Variants in PARD3B observed in about 807,000 individuals in gnomAD.
PARD3B encodes the protein partitioning defective 3 homolog B.
PARD3B carries 103 observed loss-of-function variants against 130.2 expected under a neutral mutation model. The ratio of observed to expected loss-of-function variants is 0.79; its 90% CI spans 0.67 to 0.93. The LOEUF (loss-of-function observed/expected upper bound fraction) is 0.93, where lower values mean the gene tolerates loss of function less well. Ranked by LOEUF, PARD3B falls within the 40% of genes least tolerant of loss-of-function variation. PARD3B has a pLI of 0.00. For synonymous variants in PARD3B, 583 were observed against 553.2 expected, an observed-to-expected ratio of 1.05 and a Z score of -0.76; for missense variants, 1,609 against 1,499.2, an observed-to-expected ratio of 1.07 and a Z score of -1.21.
intron 2 of PARD3B, among the ~76,000 whole-genome samples, chr2:204,755,076 A>T (rs1208987185): frequency 2.0e-5 from 3 of 152,136 alleles, no homozygotes; most frequent in South Asian, 4.1e-4. Flanking sequence ...CAAAAAATGG[A>T]CTGATTTCTC....
chr2:205,135,883 C>G (rs12466813), intron 10 of PARD3B, among the ~76,000 whole-genome samples: 1 of 151,888 alleles, frequency 6.6e-6, no homozygotes, highest in East Asian at 1.9e-4. Flanking sequence ...TCAATTCTTG[C>G]TGCTGCCTAA....
At chr2:205,180,201 G>T (rs1411830356) in intron 13 of PARD3B, among the ~76,000 whole-genome samples, 2 of 149,946 alleles carry the variant, frequency 1.3e-5, no homozygotes, top group African/African-American at 2.5e-5. Context: ...TACCATACTA[G>T]ATTATAAAAT....
At chr2:204,962,410 C>T (rs1690823206) in intron 2 of PARD3B, among the ~76,000 whole-genome samples, 1 of 152,024 alleles carries the variant, frequency 6.6e-6, no homozygotes, top group South Asian at 2.1e-4. Context: ...GAAACCTTAA[C>T]ACAAAAGCTT....
At chr2:204,999,033 T>C (rs1694603726) in intron 3 of PARD3B, among the ~76,000 whole-genome samples, 1 of 152,054 alleles carries the variant, frequency 6.6e-6, no homozygotes, top group African/African-American at 2.4e-5. Flanking sequence ...ACTTCTAGAG[T>C]AATCTCAAAC....
In PARD3B at chr2:204,892,769, AAG is replaced by A. The variant is rs1482858170; in HGVS notation, c.223-72380_223-72379del. 6.6e-5 allele frequency among the ~76,000 whole-genome samples: 10 copies of A among 152,300 alleles called. No homozygotes were observed. In the South Asian group the frequency reaches 1.5e-3, roughly 22 times the overall value. On this transcript the variant is annotated intron_variant, in intron 2 of 22. Coordinates refer to ENST00000406610, the MANE Select transcript of PARD3B (RefSeq NM_001302769.2). Reference sequence around the variant, plus strand: ...GATGTGGGGAAACAAAAGGAAGTCTAAGAGTCTTTTCTGTGCAACTACAAGAA... The same window carrying A: ...GATGTGGGGAAACAAAAGGAAGTCTAAGTCTTTTCTGTGCAACTACAAGAA...
intron 2 of PARD3B, among the ~76,000 whole-genome samples, chr2:204,888,147 T>C (rs1307878175): frequency 6.6e-6 from 1 of 151,892 alleles, no homozygotes; most frequent in Non-Finnish European, 1.5e-5. Context: ...AGGGTAGAGG[T>C]ATTGAAAAAC....
chr2:205,191,083 A>AC (rs1295527683), intron 14 of PARD3B, among the ~76,000 whole-genome samples: 1 of 151,818 alleles, frequency 6.6e-6, no homozygotes, highest in African/African-American at 2.4e-5. Flanking sequence ...TAGAAAAAAA[A>AC]AAAAAAAAGG....
intron 1 of PARD3B, among the ~76,000 whole-genome samples, chr2:204,679,696 TTTTC>T (rs957133566): frequency 9.2e-5 from 14 of 152,036 alleles, no homozygotes; most frequent in African/African-American, 3.1e-4. Context: ...CTTTAACTGG[TTTTC>T]TTTGTTTAGT....
chr2:205,393,950 T>C (rs547261069), intron 18 of PARD3B, among the ~76,000 whole-genome samples: 68 of 152,162 alleles, frequency 4.5e-4, no homozygotes, highest in Admixed American at 1.1e-3. Context: ...GCTGAGAAAC[T>C]AGGAGAAAAC....
chr2:205,299,208 G>T (rs2041900408), intron 16 of PARD3B, among the ~76,000 whole-genome samples: 5 of 152,008 alleles, frequency 3.3e-5, no homozygotes, highest in Admixed American at 3.3e-4. Context: ...TACTTCTTTT[G>T]TATTCCTTAA....
chr2:205,262,352 TTTC>T (rs1252571398), intron 16 of PARD3B, among the ~76,000 whole-genome samples: 2 of 152,226 alleles, frequency 1.3e-5, no homozygotes, highest in South Asian at 2.1e-4. Context: ...GGCTTTTATT[TTTC>T]TTCTTCTTTC....
At chr2:205,209,539 A>G (rs998120945) in intron 15 of PARD3B, among the ~76,000 whole-genome samples, 2 of 152,044 alleles carry the variant, frequency 1.3e-5, no homozygotes, top group South Asian at 2.1e-4. Flanking sequence ...TGAGAATTTC[A>G]TTAGTTGAAA....
At chr2:205,613,655 A>AT (rs1394384515) in intron 22 of PARD3B, among the ~76,000 whole-genome samples, 7 of 152,194 alleles carry the variant, frequency 4.6e-5, no homozygotes, top group Admixed American at 4.6e-4. Context: ...AAACAATTTA[A>AT]TTTTTTATCT....
At chr2:205,138,270 A>G (rs1439262563) in intron 10 of PARD3B, among the ~76,000 whole-genome samples, 2 of 152,214 alleles carry the variant, frequency 1.3e-5, no homozygotes, top group Non-Finnish European at 2.9e-5. Flanking sequence ...GATACAGAGT[A>G]GGCCAGGCAT....
At chr2:205,206,203 CCTTTTTTTTTTT>C (rs2037289970) in intron 15 of PARD3B, among the ~76,000 whole-genome samples, 1 of 141,604 alleles carries the variant, frequency 7.1e-6, no homozygotes, top group Non-Finnish European at 1.5e-5. Flanking sequence ...ATTCTGTGTT[CCTTTTTTTTTTT>C]CTTTTTTTTT....
intron 4 of PARD3B, among the ~76,000 whole-genome samples, chr2:205,049,086 A>T (rs549200207): frequency 6.6e-6 from 1 of 152,282 alleles, no homozygotes; most frequent in South Asian, 2.1e-4. Context: ...CATTTTCATG[A>T]TGTCTGTGTG....
chr2:205,493,880 C>T (rs2049825796), intron 20 of PARD3B, among the ~76,000 whole-genome samples: 1 of 152,010 alleles, frequency 6.6e-6, no homozygotes, highest in Admixed American at 6.6e-5. Context: ...GCCTCAGCCT[C>T]CCTAGTAGCT....
chr2:204,826,652 A>G (rs1273239230), intron 2 of PARD3B, among the ~76,000 whole-genome samples: 1 of 152,174 alleles, frequency 6.6e-6, no homozygotes, highest in Admixed American at 6.5e-5. Context: ...TTTTAAAAAT[A>G]TTTTTATTTC....
chr2:204,624,829 G>A (rs2034430874), intron 1 of PARD3B, among the ~76,000 whole-genome samples: 1 of 152,100 alleles, frequency 6.6e-6, no homozygotes, highest in Non-Finnish European at 1.5e-5. Context: ...CAGAGTAGCT[G>A]TACTGCTTTC....
Sources: allele counts gnomAD v4.1 joint callset (sites outside exome capture counted in the v4.1 genomes callset), GRCh38; gene constraint gnomAD v4.1.1; transcripts MANE v1.5; gene names NCBI Gene and HGNC (gene_info 2026-07-23, HGNC 2026-07-21).